LSAMP: variants seen among roughly 807,000 people sequenced by gnomAD.
LSAMP encodes limbic system associated membrane protein, also known as limbic system-associated membrane protein.
In LSAMP, 7 loss-of-function variants were observed where a neutral mutation model predicts 38.6. The observed-to-expected ratio is 0.18, with a 90% CI of 0.10 to 0.34. The LOEUF (loss-of-function observed/expected upper bound fraction) is 0.34, where lower values mean the gene tolerates loss of function less well. Ranked by LOEUF, LSAMP falls within the 10% of genes least tolerant of loss-of-function variation. The pLI is 1.00. For synonymous variants in LSAMP, 154 were observed against 166.8 expected (o/e 0.92, Z 0.59); for missense variants, 313 against 420.0 (o/e 0.75, Z 2.23).
intron 6 of LSAMP, among the ~76,000 whole-genome samples, chr3:115,827,508 GTGAT>G (rs1934460546): frequency 6.6e-6 from 1 of 152,152 alleles, no homozygotes; most frequent in African/African-American, 2.4e-5. Flanking sequence ...ACTATTAGCT[GTGAT>G]TGATAGTAAA....
At chr3:116,178,260 A>T (rs1222511728) in intron 1 of LSAMP, among the ~76,000 whole-genome samples, 1 of 152,130 alleles carries the variant, frequency 6.6e-6, no homozygotes, top group East Asian at 1.9e-4. Flanking sequence ...TCTGCTTCCC[A>T]GTTTCAAGTG....
At chr3:116,261,075 T>C (rs2046820065) in intron 1 of LSAMP, among the ~76,000 whole-genome samples, 1 of 152,222 alleles carries the variant, frequency 6.6e-6, no homozygotes, top group African/African-American at 2.4e-5. Context: ...TACACCTTGG[T>C]ATCACAGTAC....
At chr3:115,963,697 C>T (rs1287675309) in intron 3 of LSAMP, among the ~76,000 whole-genome samples, 1 of 152,134 alleles carries the variant, frequency 6.6e-6, no homozygotes, top group East Asian at 1.9e-4. Flanking sequence ...TAGTTCTTGC[C>T]GTCTCTATAC....
chr3:115,864,221 C>G (rs765211973), intron 3 of LSAMP, among the ~76,000 whole-genome samples: 7 of 151,788 alleles, frequency 4.6e-5, no homozygotes, highest in Admixed American at 3.3e-4. Flanking sequence ...TATGTGCACT[C>G]AAATGAATTT....
At chr3:115,991,923 A>G (rs1939681536) in intron 3 of LSAMP, among the ~76,000 whole-genome samples, 1 of 152,042 alleles carries the variant, frequency 6.6e-6, no homozygotes, top group South Asian at 2.1e-4. Flanking sequence ...GGAGAAAGGA[A>G]ATGATCTGGA....
At chr3:116,124,007 G>A (rs1708947628) in intron 1 of LSAMP, among the ~76,000 whole-genome samples, 1 of 152,170 alleles carries the variant, frequency 6.6e-6, no homozygotes, top group African/African-American at 2.4e-5. Context: ...TTGGGGCAAA[G>A]GCTTCCTTAC....
In LSAMP at chr3:116,444,943, C is replaced by T. The variant is rs377272230; in HGVS notation, c.89G>A (p.Arg30His). The T allele has an allele frequency of 2.5e-6, 4 of 1,614,110 alleles. No homozygotes were observed. In the East Asian group the frequency reaches 8.9e-5, roughly 36 times the overall value. Reference sequence around the variant, plus strand: ...CGTGCCTCGGTTAAAATCCACGCTGCGAACAGGCAGTCCTGTGGGAAGAAG... The same window carrying T: ...CGTGCCTCGGTTAAAATCCACGCTGTGAACAGGCAGTCCTGTGGGAAGAAG... ...LCLLPTGLPVRSVDFNRGTDN... is the reference protein window; with the variant it reads ...LCLLPTGLPVHSVDFNRGTDN... The change falls in exon 1 of 7, where the codon CGC becomes CAC. Residue 30 changes from arginine to histidine, a missense_variant. Coordinates refer to ENST00000490035, the MANE Select transcript of LSAMP (RefSeq NM_002338.5).
chr3:116,207,579 A>C (rs111279286), intron 1 of LSAMP, among the ~76,000 whole-genome samples: 1 of 148,496 alleles, frequency 6.7e-6, no homozygotes, highest in South Asian at 2.2e-4. Flanking sequence ...TTCCTTCAGG[A>C]GCTCTTTTAG....
intron 1 of LSAMP, among the ~76,000 whole-genome samples, chr3:116,279,629 T>C (rs957178751): frequency 6.6e-6 from 1 of 152,234 alleles, no homozygotes; most frequent in African/African-American, 2.4e-5. Context: ...TTGGTTATTA[T>C]ATTTTATTGC....
At chr3:116,090,698 A>T (rs1400199067) in intron 1 of LSAMP, among the ~76,000 whole-genome samples, 1 of 152,200 alleles carries the variant, frequency 6.6e-6, no homozygotes, top group African/African-American at 2.4e-5. Context: ...CTGGGTGTCC[A>T]GGGGAGACAT....
chr3:116,341,283 T>C (rs1436640835), intron 1 of LSAMP, among the ~76,000 whole-genome samples: 5 of 151,954 alleles, frequency 3.3e-5, no homozygotes, highest in Admixed American at 6.6e-5. Flanking sequence ...AAAAAGTGTT[T>C]TTTGTTGTTG....
At chr3:116,355,113 T>C (rs2048204307) in intron 1 of LSAMP, among the ~76,000 whole-genome samples, 1 of 152,152 alleles carries the variant, frequency 6.6e-6, no homozygotes, top group Admixed American at 6.5e-5. Context: ...CTTTACCATA[T>C]ATATATATTT....
At chr3:115,885,309 A>G (rs1441531240) in intron 3 of LSAMP, among the ~76,000 whole-genome samples, 1 of 151,940 alleles carries the variant, frequency 6.6e-6, no homozygotes, top group African/African-American at 2.4e-5. Context: ...AAAGAATTTT[A>G]AGAGTTGTAA....
chr3:116,082,535 G>C (rs1367620266), intron 2 of LSAMP, among the ~76,000 whole-genome samples: 2 of 152,142 alleles, frequency 1.3e-5, no homozygotes, highest in Admixed American at 6.5e-5. Flanking sequence ...GCCTATACAA[G>C]AATCACATCT....
In LSAMP at chr3:115,986,792, C is replaced by T. The variant is rs143226688; in HGVS notation, c.514+32723G>A. Among the ~76,000 whole-genome samples, 664 of 152,264 alleles carry T rather than the reference C, an allele frequency of 4.4e-3. 5 individuals carry two copies. The highest frequency in any genetic ancestry group is 0.015 in the African/African-American group (616 of 41,570). On this transcript the variant is annotated intron_variant, in intron 3 of 6. Transcript: ENST00000490035. ...AGGTGGGAGGAGGGAGTTTTCATAA[C>T]ACCCAGTGGAATTTTGGAATTGCTT...
chr3:116,118,700 C>G (rs987667374), intron 1 of LSAMP, among the ~76,000 whole-genome samples: 7 of 152,102 alleles, frequency 4.6e-5, no homozygotes, highest in African/African-American at 1.7e-4. Flanking sequence ...ACACAACACC[C>G]ACACACATGC....
chr3:115,967,148 AG>A (rs1342964241), intron 3 of LSAMP, among the ~76,000 whole-genome samples: 3 of 152,212 alleles, frequency 2.0e-5, no homozygotes, highest in African/African-American at 7.2e-5. Context: ...TTTAAAACCA[AG>A]TGCCTTTAAC....
At chr3:115,924,372 A>G (rs1183313174) in intron 3 of LSAMP, among the ~76,000 whole-genome samples, 1 of 152,098 alleles carries the variant, frequency 6.6e-6, no homozygotes, top group Non-Finnish European at 1.5e-5. Flanking sequence ...TCTTCTACTT[A>G]TGTCTTTCAT....
intron 3 of LSAMP, among the ~76,000 whole-genome samples, chr3:115,863,497 C>A (rs1398300119): frequency 6.6e-6 from 1 of 151,446 alleles, no homozygotes; most frequent in Non-Finnish European, 1.5e-5. Flanking sequence ...AATGGAGATT[C>A]CTTCTAAACA....
Sources: gnomAD v4.1 joint callset for allele counts (sites outside exome capture counted in the v4.1 genomes callset) on GRCh38, gnomAD v4.1.1 for gene constraint, MANE v1.5 for transcripts, NCBI Gene and HGNC (gene_info 2026-07-23, HGNC 2026-07-21) for gene names.